CD9: variants seen among roughly 807,000 people sequenced by gnomAD.
CD9 encodes the protein CD9 molecule.
CD9 carries 10 observed loss-of-function variants against 31.4 expected under a neutral mutation model. That is an observed-to-expected ratio of 0.32 (90% CI 0.20 to 0.54). The LOEUF (loss-of-function observed/expected upper bound fraction) is 0.54, where lower values mean the gene tolerates loss of function less well. CD9 is among the 20% of genes least tolerant of loss of function. The pLI, the probability that CD9 is intolerant of heterozygous loss-of-function variation, is 0.94. For synonymous variants in CD9, 113 were observed against 114.1 expected, an observed-to-expected ratio of 0.99 and a Z score of 0.06; for missense variants, 259 against 300.1, an observed-to-expected ratio of 0.86 and a Z score of 1.01.
chr12:6,229,048 T>C (rs967527041), intron 2 of CD9, among the ~76,000 whole-genome samples: 3 of 152,220 alleles, frequency 2.0e-5, no homozygotes, highest in Non-Finnish European at 4.4e-5. Flanking sequence ...CTGACAGCCT[T>C]ATATGGGCCT....
chr12:6,204,051 C>T (rs566140442), intron 1 of CD9, among the ~76,000 whole-genome samples: 34 of 152,266 alleles, frequency 2.2e-4, no homozygotes, highest in African/African-American at 7.0e-4. Flanking sequence ...ACACAGAGAC[C>T]TACACTGGGA....
intron 1 of CD9, 119 bp from the exon 2 acceptor site, chr12:6,225,307 A>G (rs1165280070): frequency 4.3e-6 from 3 of 691,102 alleles, no homozygotes; most frequent in Middle Eastern, 3.7e-4. Context: ...CCAGGCGTAT[A>G]TGAGGGGCAG....
chr12:6,235,536 A>G lies in CD9; in HGVS notation c.508A>G (p.Lys170Glu), dbSNP rs1400716934. 2 of 1,613,642 alleles carry G rather than the reference A, an allele frequency of 1.2e-6. No homozygotes were observed. The highest frequency in any genetic ancestry group is 3.3e-5 in the Admixed American group (2 of 59,982). ...EQFISDICPK[K>E]DVLETFTVKS... ...GTTTATCTCAGACATCTGCCCCAAGAAGGACGTACTCGAAACCTTCACCGT... is the reference window on the plus strand; with the variant it reads ...GTTTATCTCAGACATCTGCCCCAAGGAGGACGTACTCGAAACCTTCACCGT... The change falls in exon 6 of 8, where the codon AAG becomes GAG. Residue 170 changes from lysine (K) to glutamate (E), a missense_variant. Transcript: ENST00000009180.
intron 1 of CD9, among the ~76,000 whole-genome samples, chr12:6,206,404 TG>T (rs761263651): frequency 1.3e-5 from 2 of 152,092 alleles, no homozygotes; most frequent in Non-Finnish European, 2.9e-5. Flanking sequence ...TTAATTTTTT[TG>T]TAGAGACAGG....
At chr12:6,214,592 G>A (rs908534147) in intron 1 of CD9, among the ~76,000 whole-genome samples, 27 of 151,706 alleles carry the variant, frequency 1.8e-4, no homozygotes, top group Admixed American at 1.2e-3. Context: ...CAAGCATTCC[G>A]CCCCCCTCTC....
intron 1 of CD9, among the ~76,000 whole-genome samples, chr12:6,211,595 A>G (rs1487804218): frequency 1.3e-5 from 2 of 152,252 alleles, no homozygotes; most frequent in African/African-American, 4.8e-5. Flanking sequence ...AAGCTGCTGC[A>G]AGTGGCTAGA....
Position 6,200,453 on chromosome 12 carries a change from C to G in CD9, c.-47C>G. The stretch of plus-strand genomic sequence containing the variant: ...GTCCCGCCAGTCCCAGCTGCGCGCG[C>G]CCCCCAGTCCCGCACCCGTTCGGCC... On this transcript the variant is annotated 5_prime_UTR_variant, in exon 1 of 8. Coordinates refer to ENST00000009180, the MANE Select transcript of CD9 (RefSeq NM_001769.4). 1 of 1,314,974 alleles carries G rather than the reference C, an allele frequency of 7.6e-7. No homozygotes were observed. Among genetic ancestry groups the G allele is most frequent in the Non-Finnish European group, 1.1e-6 (1 of 910,800 alleles). The allele number at this position is 1,314,974 out of a possible 1,614,324, so 81.5% of individuals were successfully genotyped here. A position where few individuals can be genotyped will look rare whatever the true frequency, so the allele number is the denominator to read the frequency against.
At chr12:6,235,901 C>A in intron 6 of CD9, 2 of 1,376,792 alleles carry the variant, frequency 1.5e-6, no homozygotes, top group Non-Finnish European at 9.4e-7. Flanking sequence ...TGTCCAACTC[C>A]AGAATAGTAA....
At chr12:6,218,086 G>T (rs529480949) in intron 1 of CD9, among the ~76,000 whole-genome samples, 131 of 152,224 alleles carry the variant, frequency 8.6e-4, no homozygotes, top group Admixed American at 2.0e-3. Flanking sequence ...AATTAGCTGG[G>T]CGTGGTGGTG....
chr12:6,225,616 A>G, intron 2 of CD9, 82 bp downstream of exon 2: 2 of 859,474 alleles, frequency 2.3e-6, no homozygotes, highest in Non-Finnish European at 3.9e-6. Context: ...ATGTTGACCC[A>G]GGGACTTGGG....
At chr12:6,236,124 A>G in intron 6 of CD9, 68 bp from the exon 7 acceptor site, 1 of 1,599,164 alleles carries the variant, frequency 6.3e-7, no homozygotes, top group South Asian at 1.1e-5. Flanking sequence ...GACGGGGGCC[A>G]TGGGAGGGAG....
At chr12:6,222,454 C>G (rs577243452) in intron 1 of CD9, among the ~76,000 whole-genome samples, 3 of 152,222 alleles carry the variant, frequency 2.0e-5, no homozygotes, top group African/African-American at 7.2e-5. Flanking sequence ...CCAGAGCCAG[C>G]TGCTTTTCCT....
Position 6,236,667 on chromosome 12 carries a change from A to G in CD9, c.621+392A>G, listed in dbSNP as rs555842336. 10 of 418,168 alleles carry G rather than the reference A, an allele frequency of 2.4e-5. No individual in the cohort carries two copies. The East Asian group carries it at 2.4e-4, about 10-fold the overall frequency. The allele number at this position is 418,168 out of a possible 1,614,324, so 25.9% of individuals were successfully genotyped here. On this transcript the variant is annotated intron_variant, in intron 7 of 7. Transcript: ENST00000009180. The stretch of plus-strand genomic sequence containing the variant: ...GGAATTGTTCCATTTCCTGAAGTGC[A>G]TCTGAACATGGGCAGCCAGAAGGAG...
At chr12:6,205,736 C>CAATACCTTGGATTGTGT (rs1946123713) in intron 1 of CD9, among the ~76,000 whole-genome samples, 1 of 152,230 alleles carries the variant, frequency 6.6e-6, no homozygotes, top group African/African-American at 2.4e-5. Context: ...ACAAAGGCGC[C>CAATACCTTGGATTGTGT]TTTTCTTCTA....
Position 6,238,010 on chromosome 12 carries a change from A to G in CD9, c.*182A>G, listed in dbSNP as rs1946542923. 3.9e-6 allele frequency: 2 copies of G among 518,772 alleles called. No individual in the cohort carries two copies. Among genetic ancestry groups the G allele is most frequent in the Non-Finnish European group, 7.0e-6 (2 of 287,420 alleles). The allele number at this position is 518,772 out of a possible 1,614,324, so 32.1% of individuals were successfully genotyped here. A position where few individuals can be genotyped will look rare whatever the true frequency, so the allele number is the denominator to read the frequency against. ...TGTTTGTCTTTTAATGCTTCATTCA[A>G]TATTGACATTTGTAGTTGAGCGGGG... On this transcript the variant is annotated 3_prime_UTR_variant, in exon 8 of 8. Coordinates refer to ENST00000009180, the MANE Select transcript of CD9 (RefSeq NM_001769.4).
chr12:6,222,817 G>A (rs374377093), intron 1 of CD9, among the ~76,000 whole-genome samples: 26 of 152,320 alleles, frequency 1.7e-4, no homozygotes, highest in East Asian at 9.6e-4. Flanking sequence ...GCTCCTGCTC[G>A]TGAGAGGCTG....
intron 1 of CD9, among the ~76,000 whole-genome samples, chr12:6,212,975 G>GATAGAA (rs1413707416): frequency 1.3e-5 from 2 of 152,166 alleles, no homozygotes; most frequent in African/African-American, 4.8e-5. Context: ...GAGTTGTCTT[G>GATAGAA]ATAGAAACGC....
chr12:6,236,476 A>T, intron 7 of CD9: 2 of 594,436 alleles, frequency 3.4e-6, no homozygotes, highest in Non-Finnish European at 6.0e-6. Context: ...TCCTGAGTGG[A>T]GTATCTGAGG....
chr12:6,235,720 G>A, intron 6 of CD9, 155 bp downstream of exon 6: 1 of 1,426,576 alleles, frequency 7.0e-7, no homozygotes, highest in Non-Finnish European at 9.2e-7. Context: ...CCCACTTTGG[G>A]CCCTCTGTTT....
Sources: allele counts gnomAD v4.1 joint callset (sites outside exome capture counted in the v4.1 genomes callset), GRCh38; gene constraint gnomAD v4.1.1; transcripts MANE v1.5; gene names NCBI Gene and HGNC (gene_info 2026-07-23, HGNC 2026-07-21).